Variants in PPFIA3 observed in about 807,000 individuals in gnomAD.
PPFIA3 encodes the protein PPFI scaffold protein A3.
PPFIA3 carries 26 observed loss-of-function variants against 145.8 expected under a neutral mutation model. The ratio of observed to expected loss-of-function variants is 0.18; its 90% CI spans 0.13 to 0.25. The LOEUF (loss-of-function observed/expected upper bound fraction) is 0.25, where lower values mean the gene tolerates loss of function less well. PPFIA3 is among the 10% of genes least tolerant of loss of function. The pLI, the probability that PPFIA3 is intolerant of heterozygous loss-of-function variation, is 1.00. For synonymous variants in PPFIA3, 645 were observed against 661.4 expected (o/e 0.98, Z 0.38); for missense variants, 1,008 against 1,587.8 (o/e 0.63, Z 6.21).
In PPFIA3 at chr19:49,127,955, C is replaced by T. The variant is rs963761612; in HGVS notation, c.82C>T (p.Leu28=). The T allele has an allele frequency of 1.3e-6, 2 of 1,595,076 alleles. No individual in the cohort carries two copies. The highest frequency in any genetic ancestry group is 8.5e-7 in the Non-Finnish European group (1 of 1,178,348). The change falls in exon 2 of 30, where the codon CTG becomes TTG. Residue 28 remains leucine, a synonymous_variant. Coordinates refer to ENST00000334186, the MANE Select transcript of PPFIA3 (RefSeq NM_003660.4). Reference sequence around the variant, plus strand: ...GGGCCCGGACGAGGCGGGCGGGGAGCTGGAGCGCCTCATGGTCACGATGCT... The same window carrying T: ...GGGCCCGGACGAGGCGGGCGGGGAGTTGGAGCGCCTCATGGTCACGATGCT... ...ALGPDEAGGE[L]ERLMVTMLTE... is the part of the protein sequence containing the mutation.
rs137910428 is a variant in PPFIA3 at position 49,122,923 on chromosome 19, G to A, written c.-16+3201G>A. Among the ~76,000 whole-genome samples the A allele has an allele frequency of 4.2e-3, 631 of 150,458 alleles. 6 individuals are homozygous for A. The highest frequency in any genetic ancestry group is 0.014 in the African/African-American group (585 of 40,850). On this transcript the variant is annotated intron_variant, in intron 1 of 29. Transcript: ENST00000334186. ...TTTTTGGTAGAGACGGGGTATCACC[G>A]TGTTAGCCAGGATGGTCTCTATCTG...
At chr19:49,145,599 C>T (rs1600350927) in intron 21 of PPFIA3, 1 of 312,704 alleles carries the variant, frequency 3.2e-6, no homozygotes, top group Non-Finnish European at 6.1e-6. Context: ...CCCCGCCATA[C>T]TCCCTAAACA....
chr19:49,136,649 G>A (rs2041140666), intron 14 of PPFIA3, 75 bp from the exon 15 acceptor site: 1 of 1,065,158 alleles, frequency 9.4e-7, no homozygotes, highest in Non-Finnish European at 1.2e-6. Flanking sequence ...GGGCAAGTCA[G>A]GATCATGAGC....
At chr19:49,145,356 A>G (rs1203122364) in intron 21 of PPFIA3, among the ~76,000 whole-genome samples, 1 of 152,090 alleles carries the variant, frequency 6.6e-6, no homozygotes, top group Non-Finnish European at 1.5e-5. Context: ...CACAGTTGTT[A>G]ATTTCATTTA....
Position 49,133,927 on chromosome 19 carries a change from C to A in PPFIA3, c.1245+48C>A. On this transcript the variant is annotated intron_variant, in intron 10 of 29. Coordinates refer to ENST00000334186, the MANE Select transcript of PPFIA3 (RefSeq NM_003660.4). This position sits in a 1 kb window ranked among gnomAD's most constrained non-coding sequence, Gnocchi z 7.2. Reference sequence around the variant, plus strand: ...AGAGGGTGGGGCTTCGAGGCTGGGGCGGAGCTTAATAAGGAGGCTGGGCTG... The same window carrying A: ...AGAGGGTGGGGCTTCGAGGCTGGGGAGGAGCTTAATAAGGAGGCTGGGCTG... 6.3e-7 allele frequency: 1 copy of A among 1,597,710 alleles called. No individual in the cohort carries two copies.
chr19:49,127,837 C>G, intron 1 of PPFIA3, 22 bp from the exon 2 acceptor site: 1 of 1,587,880 alleles, frequency 6.3e-7, no homozygotes, highest in Non-Finnish European at 8.5e-7. Flanking sequence ...CCGGTCTGTT[C>G]CTTGCCCTCC....
chr19:49,147,132 A>G (rs2041289624), intron 23 of PPFIA3, among the ~76,000 whole-genome samples: 1 of 152,124 alleles, frequency 6.6e-6, no homozygotes. Context: ...TTAGACAAGT[A>G]TTTTCAGGAC....
chr19:49,138,281 G>C lies in PPFIA3; in HGVS notation c.1930G>C (p.Asp644His). ...GAGTCGGGTGTCCAGCTCTGGCTTGGACTCGTTGGGCCGCTACCGCAGCAG... is the reference window on the plus strand; with the variant it reads ...GAGTCGGGTGTCCAGCTCTGGCTTGCACTCGTTGGGCCGCTACCGCAGCAG... The part of the protein sequence containing the change: ...LESRVSSSGL[D>H]SLGRYRSSCS... Residue 644 changes from aspartate (D) to histidine (H), a missense_variant, in exon 16 of 30, where the codon GAC becomes CAC. Asp to His is a moderately conservative substitution (Grantham distance 81, BLOSUM62 -1). Around this residue, in one of 11 missense-constraint regions of PPFIA3, gnomAD observed 202 missense variants for 241.8 expected, o/e 0.84. Transcript: ENST00000334186. The C allele has an allele frequency of 6.2e-7, 1 of 1,613,588 alleles. No individual in the cohort carries two copies. The highest frequency in any genetic ancestry group is 8.5e-7 in the Non-Finnish European group (1 of 1,179,764).
chr19:49,132,405 A>G (rs2041085642), intron 7 of PPFIA3, among the ~76,000 whole-genome samples: 1 of 149,850 alleles, frequency 6.7e-6, no homozygotes, highest in Non-Finnish European at 1.5e-5. Context: ...AAAAAAAAAA[A>G]AAAAAAAAAA....
chr19:49,147,958 T>G, intron 23 of PPFIA3, 125 bp from the exon 24 acceptor site: 1 of 948,064 alleles, frequency 1.1e-6, no homozygotes. Context: ...TGAGCAGAGA[T>G]TGGTCATTGT....
intron 18 of PPFIA3, among the ~76,000 whole-genome samples, chr19:49,140,755 T>C (rs1808390): frequency 0.48 from 70,727 of 146,886 alleles, 17,077 homozygotes; most frequent in African/African-American, 0.57. Context: ...CCCAGGTTCA[T>C]GCCATTCTCC....
chr19:49,135,290 C>G lies in PPFIA3; in HGVS notation c.1520+375C>G, dbSNP rs1424070978. Among the ~76,000 whole-genome samples, 3 of 152,322 alleles carry G rather than the reference C, an allele frequency of 2.0e-5. No homozygotes were observed. The East Asian group carries it at 5.8e-4, about 29-fold the overall frequency. Reference sequence around the variant, plus strand: ...CCCCAGGCCTCAAGTGATCCTCCCCCCTCGGCCTCCCAAAGTGCTGGGATT... The same window carrying G: ...CCCCAGGCCTCAAGTGATCCTCCCCGCTCGGCCTCCCAAAGTGCTGGGATT... On this transcript the variant is annotated intron_variant, in intron 13 of 29. Transcript: ENST00000334186.
chr19:49,142,289 G>C (rs1370724527), intron 20 of PPFIA3, among the ~76,000 whole-genome samples, 174 bp downstream of exon 20: 1 of 152,096 alleles, frequency 6.6e-6, no homozygotes, highest in East Asian at 1.9e-4. Context: ...CACCTAAACA[G>C]TTTCTTTCTC....
At chr19:49,141,576 G>A in intron 19 of PPFIA3, 63 bp downstream of exon 19, 1 of 1,295,624 alleles carries the variant, frequency 7.7e-7, no homozygotes, top group Non-Finnish European at 1.1e-6. Context: ...GTGAGGGTGT[G>A]TGTGTGCGTG....
At chr19:49,129,824 A>G (rs965094845) in intron 5 of PPFIA3, among the ~76,000 whole-genome samples, 169 bp from the exon 6 acceptor site, 3 of 152,162 alleles carry the variant, frequency 2.0e-5, no homozygotes, top group East Asian at 1.9e-4. Context: ...AAGGAGGGAT[A>G]TAAGGAGGGA....
rs34754321 is a variant in PPFIA3 at position 49,131,662 on chromosome 19, T to TA, written c.879+1073dup. Among the ~76,000 whole-genome samples the TA allele has an allele frequency of 8.8e-5, 13 of 147,358 alleles. No individual in the cohort carries two copies. The South Asian group carries it at 1.3e-3, about 15-fold the overall frequency. On this transcript the variant is annotated intron_variant, in intron 7 of 29. Coordinates refer to ENST00000334186, the MANE Select transcript of PPFIA3 (RefSeq NM_003660.4). ...AACATAGCGAGACCCCGTCACTACT[T>TA]AAAAAAAAAATTAGCCGGGCGTGGT...
At chr19:49,123,741 C>T (rs1405716811) in intron 1 of PPFIA3, among the ~76,000 whole-genome samples, 1 of 152,170 alleles carries the variant, frequency 6.6e-6, no homozygotes, top group Non-Finnish European at 1.5e-5. Context: ...CGCACCTGGC[C>T]TCATGTTCTT....
rs2041032466 is a variant in PPFIA3, at chr19:49,128,550, A to G, written c.342+82A>G. On this transcript the variant is annotated intron_variant, in intron 3 of 29. Coordinates refer to ENST00000334186, the MANE Select transcript of PPFIA3 (RefSeq NM_003660.4). The surrounding 1 kb of genome is among the most constrained non-coding windows in gnomAD (Gnocchi z 4.1). ...GGGGGGCGGGGCCTCTCAGTGTTGC[A>G]GCGTGACCTATTTTTTTCCCCCATC... 2.3e-6 allele frequency: 3 copies of G among 1,305,500 alleles called. No individual in the cohort carries two copies. In the African/African-American group the frequency reaches 4.4e-5, roughly 19 times the overall value. The allele number at this position is 1,305,500 out of a possible 1,614,324, so 80.9% of individuals were successfully genotyped here. A position where few individuals can be genotyped will look rare whatever the true frequency, so the allele number is the denominator to read the frequency against.
rs980135417 is a variant in PPFIA3, at chr19:49,128,259, G to C, written c.241-108G>C. 28 of 1,502,430 alleles carry C rather than the reference G, an allele frequency of 1.9e-5. No homozygotes were observed. The highest frequency in any genetic ancestry group is 2.6e-5 in the Non-Finnish European group (28 of 1,089,160). The allele number at this position is 1,502,430 out of a possible 1,614,324, so 93.1% of individuals were successfully genotyped here. On this transcript the variant is annotated intron_variant, in intron 2 of 29. Transcript: ENST00000334186. This position sits in a 1 kb window ranked among gnomAD's most constrained non-coding sequence, Gnocchi z 4.1. ...GGCGGGGCCTGAGTGGCAAGGGACA[G>C]CGGGACTTAGCAGGGAGGGCGGGAC...
Sources: allele counts gnomAD v4.1 joint callset (sites outside exome capture counted in the v4.1 genomes callset), GRCh38; gene constraint gnomAD v4.1.1; regional missense constraint gnomAD v4.1.1; non-coding constraint Gnocchi (gnomAD v3.1); transcripts MANE v1.5; gene names NCBI Gene and HGNC (gene_info 2026-07-23, HGNC 2026-07-21).